ANKRD17: variants seen among roughly 807,000 people sequenced by gnomAD.
ANKRD17 encodes ankyrin repeat domain-containing protein 17.
ANKRD17 carries 19 observed loss-of-function variants against 229.7 expected under a neutral mutation model. The ratio of observed to expected loss-of-function variants is 0.08; its 90% CI spans 0.06 to 0.12. The LOEUF (loss-of-function observed/expected upper bound fraction) is 0.12, where lower values mean the gene tolerates loss of function less well. Among genes scored for constraint, ANKRD17 ranks in the 10% least tolerant of loss-of-function variants. ANKRD17 has a pLI of 1.00. For synonymous variants in ANKRD17, 1,112 were observed against 1,146.1 expected, an observed-to-expected ratio of 0.97 and a Z score of 0.60; for missense variants, 2,176 against 3,176.8, an observed-to-expected ratio of 0.68 and a Z score of 7.57.
At position 73,133,111 on chromosome 4, in the gene ANKRD17, G is replaced by A. The variant is rs372198789; in HGVS notation, c.3234+2006C>T. ...AAAAATACAAAAAAATTGGCCAGGC[G>A]TGATGGTGGGCGCCTGTAATCCCAG... On this transcript the variant is annotated intron_variant, in intron 16 of 33. Transcript: ENST00000358602. Among the ~76,000 whole-genome samples, 46 of 151,978 alleles carry A rather than the reference G, an allele frequency of 3.0e-4. No homozygotes were observed. The East Asian group carries it at 8.5e-3, about 28-fold the overall frequency.
At chr4:73,188,035 A>G (rs1407398313) in intron 1 of ANKRD17, among the ~76,000 whole-genome samples, 1 of 152,170 alleles carries the variant, frequency 6.6e-6, no homozygotes, top group Non-Finnish European at 1.5e-5. Flanking sequence ...AAAGTCTTTA[A>G]AAACAAAAAC....
intron 1 of ANKRD17, among the ~76,000 whole-genome samples, chr4:73,242,460 G>GA (rs1744125228): frequency 2.0e-5 from 3 of 152,124 alleles, no homozygotes; most frequent in Non-Finnish European, 4.4e-5. Context: ...AAAGACAGAT[G>GA]AAGGGCCTGA....
At chr4:73,123,063 T>A (rs1017902025) in intron 18 of ANKRD17, among the ~76,000 whole-genome samples, 2 of 152,084 alleles carry the variant, frequency 1.3e-5, no homozygotes, top group Non-Finnish European at 2.9e-5. Context: ...TACCCTAACA[T>A]ACTTCAACAA....
At chr4:73,174,889 G>A (rs1347050862) in intron 2 of ANKRD17, among the ~76,000 whole-genome samples, 1 of 152,052 alleles carries the variant, frequency 6.6e-6, no homozygotes, top group South Asian at 2.1e-4. Context: ...CTCTACAAGG[G>A]AAACTATAAA....
Position 73,121,668 on chromosome 4 carries a change from T to C in ANKRD17, c.3584A>G (p.Tyr1195Cys), listed in dbSNP as rs1354549559. Residue 1195 changes from tyrosine to cysteine, a missense_variant, in exon 19 of 34, where the codon TAT becomes TGT. By Grantham distance (194) the Tyr-to-Cys change is radical. Coordinates refer to ENST00000358602, the MANE Select transcript of ANKRD17 (RefSeq NM_032217.5). ...TAGTAATATTTTGATGATGTTCACA[T>C]AGCCACCAGAAGCAGCCAGACTTAG... ...TPLSLAASGG[Y>C]VNIIKILLNA... 1 of 1,613,686 alleles carries C rather than the reference T, an allele frequency of 6.2e-7. No homozygotes were observed. The highest frequency in any genetic ancestry group is 8.5e-7 in the Non-Finnish European group (1 of 1,179,810).
chr4:73,187,064 G>GGTA (rs1308766183), intron 1 of ANKRD17, among the ~76,000 whole-genome samples: 1 of 152,092 alleles, frequency 6.6e-6, no homozygotes, highest in Non-Finnish European at 1.5e-5. Flanking sequence ...CTTCCAGGAT[G>GGTA]GTAGCAGTGG....
chr4:73,077,295 T>G, intron 32 of ANKRD17, 60 bp downstream of exon 32: 6 of 1,503,830 alleles, frequency 4.0e-6, no homozygotes, highest in Non-Finnish European at 5.4e-6. Context: ...GCCTACTATA[T>G]TCAAAACATT....
intron 1 of ANKRD17, among the ~76,000 whole-genome samples, chr4:73,223,594 T>G (rs1022742929): frequency 3.3e-5 from 5 of 152,226 alleles, no homozygotes; most frequent in Non-Finnish European, 7.3e-5. Context: ...AATTGGTTTT[T>G]ATAAACTAAT....
At chr4:73,084,668 T>C (rs918243943) in intron 30 of ANKRD17, among the ~76,000 whole-genome samples, 5 of 152,202 alleles carry the variant, frequency 3.3e-5, no homozygotes, top group Middle Eastern at 3.4e-3. Flanking sequence ...GAGCTGGTCT[T>C]GAACTCCTGA....
chr4:73,202,318 T>TAAAAAAAA (rs10533861), intron 1 of ANKRD17, among the ~76,000 whole-genome samples: 3 of 21,938 alleles, frequency 1.4e-4, no homozygotes, highest in Admixed American at 8.7e-4. Flanking sequence ...GGAACAGGAT[T>TAAAAAAAA]AAAAAAAAAA....
chr4:73,120,044 T>C, intron 21 of ANKRD17, 118 bp downstream of exon 21: 1 of 1,131,794 alleles, frequency 8.8e-7, no homozygotes, highest in Non-Finnish European at 1.3e-6. Flanking sequence ...GAAAAAGCAC[T>C]TGTTTATAAA....
At chr4:73,224,192 G>C (rs1050925039) in intron 1 of ANKRD17, among the ~76,000 whole-genome samples, 4 of 152,154 alleles carry the variant, frequency 2.6e-5, no homozygotes, top group Admixed American at 2.6e-4. Flanking sequence ...GGTGGATGTT[G>C]CCATTGTGCC....
intron 1 of ANKRD17, among the ~76,000 whole-genome samples, chr4:73,204,256 G>A (rs1382924099): frequency 1.0e-4 from 15 of 150,524 alleles, no homozygotes; most frequent in African/African-American, 3.7e-4. Context: ...AGCTACTCAA[G>A]AGGCTGAGGC....
At chr4:73,204,645 G>C (rs1429802057) in intron 1 of ANKRD17, among the ~76,000 whole-genome samples, 2 of 151,908 alleles carry the variant, frequency 1.3e-5, no homozygotes, top group African/African-American at 4.8e-5. Context: ...CCTCATTTAA[G>C]AAAATATCTT....
intron 2 of ANKRD17, among the ~76,000 whole-genome samples, chr4:73,171,084 G>T (rs889422130): frequency 2.6e-5 from 4 of 151,880 alleles, no homozygotes; most frequent in African/African-American, 9.7e-5. Flanking sequence ...CCAGTGCTCT[G>T]CTGGCTTCAA....
intron 1 of ANKRD17, among the ~76,000 whole-genome samples, chr4:73,239,934 T>G (rs566421293): frequency 6.6e-6 from 1 of 152,324 alleles, no homozygotes; most frequent in South Asian, 2.1e-4. Context: ...TAGAATTAAA[T>G]TTATCTACAT....
chr4:73,131,421 G>C (rs1728184103), intron 16 of ANKRD17, among the ~76,000 whole-genome samples: 1 of 152,140 alleles, frequency 6.6e-6, no homozygotes, highest in Non-Finnish European at 1.5e-5. Context: ...ATTTTAAAAG[G>C]AGTTATACTT....
chr4:73,093,951 T>C lies in ANKRD17; in HGVS notation c.5327+128A>G, dbSNP rs1274518594. The C allele has an allele frequency of 5.8e-6, 5 of 857,988 alleles. No individual in the cohort carries two copies. The Admixed American group carries it at 1.3e-4, about 23-fold the overall frequency. 53.1% of individuals were successfully genotyped at this position (857,988 alleles called of 1,614,324 possible). ...CTATAAAATTTATCTTCTCAAACAC[T>C]AATAAAATTCCCATTTTAAAAAGTA... On this transcript the variant is annotated intron_variant, in intron 28 of 33. Transcript: ENST00000358602.
chr4:73,092,363 T>C, intron 28 of ANKRD17, 63 bp from the exon 29 acceptor site: 1 of 1,326,304 alleles, frequency 7.5e-7, no homozygotes, highest in Non-Finnish European at 1.0e-6. Context: ...TAAAGTGTTT[T>C]TAATATGTAT....
Sources: allele counts gnomAD v4.1 joint callset (sites outside exome capture counted in the v4.1 genomes callset), GRCh38; gene constraint gnomAD v4.1.1; transcripts MANE v1.5; gene names NCBI Gene and HGNC (gene_info 2026-07-23, HGNC 2026-07-21).